Variants in ERC1 observed in about 807,000 individuals in gnomAD.
ERC1 encodes RAB6 interacting protein 2.
In ERC1, 56 loss-of-function variants were observed where a neutral mutation model predicts 132.0. The observed-to-expected ratio is 0.42, with a 90% confidence interval of 0.34 to 0.53. The LOEUF (loss-of-function observed/expected upper bound fraction) is 0.53, where lower values mean the gene tolerates loss of function less well. Among genes scored for constraint, ERC1 ranks in the 20% least tolerant of loss-of-function variants. The probability of loss-of-function intolerance (pLI) is 0.03; values close to 1 mark genes in which losing one functional copy is unlikely to be tolerated. For synonymous variants in ERC1, 478 were observed against 476.1 expected (o/e 1.00, Z -0.05); for missense variants, 1,202 against 1,349.9 (o/e 0.89, Z 1.72).
intron 2 of ERC1, among the ~76,000 whole-genome samples, chr12:1,054,327 A>T (rs1354876288): frequency 6.6e-6 from 1 of 152,168 alleles, no homozygotes; most frequent in Non-Finnish European, 1.5e-5. Flanking sequence ...ATGTAGTATG[A>T]TGAATATCAC....
rs930141018 is a variant in ERC1, at chr12:1,491,981, C to T, written c.*1751C>T. 1 of 232,712 alleles carries T rather than the reference C, an allele frequency of 4.3e-6. No individual in the cohort carries two copies. Among genetic ancestry groups the T allele is most frequent in the East Asian group, 6.1e-5 (1 of 16,526 alleles). 14.4% of individuals were successfully genotyped at this position (232,712 alleles called of 1,614,324 possible). Reference sequence around the variant, plus strand: ...TTTCTCCTCTCCTTCCCCACTTACTCAGAGAATTTAAAGTCTGTAGAGTCA... The same window carrying T: ...TTTCTCCTCTCCTTCCCCACTTACTTAGAGAATTTAAAGTCTGTAGAGTCA... On this transcript the variant is annotated 3_prime_UTR_variant, in exon 19 of 19. Coordinates refer to ENST00000360905, the MANE Select transcript of ERC1 (RefSeq NM_178040.4).
chr12:1,218,923 A>AGG, intron 12 of ERC1, among the ~76,000 whole-genome samples: 1 of 151,764 alleles, frequency 6.6e-6, no homozygotes, highest in Admixed American at 6.6e-5. Context: ...CCCAGGCTGG[A>AGG]GGGTAATGGT....
chr12:1,373,026 T>G (rs555753211), intron 16 of ERC1, among the ~76,000 whole-genome samples: 1 of 152,232 alleles, frequency 6.6e-6, no homozygotes, highest in East Asian at 1.9e-4. Flanking sequence ...AAAGATGTCT[T>G]TTTTCTGCAG....
At chr12:1,408,677 A>G (rs1284691910) in intron 17 of ERC1, among the ~76,000 whole-genome samples, 1 of 152,104 alleles carries the variant, frequency 6.6e-6, no homozygotes, top group Non-Finnish European at 1.5e-5. Flanking sequence ...CAAATTATGA[A>G]CTCTCTGCTC....
chr12:1,039,349 A>AAAT (rs1555211010), intron 2 of ERC1, among the ~76,000 whole-genome samples: 2 of 148,256 alleles, frequency 1.3e-5, no homozygotes, highest in African/African-American at 5.0e-5. Context: ...AAAAAAAAAA[A>AAAT]AAATAAAAAT....
chr12:1,286,651 TA>T (rs1210661747), intron 14 of ERC1, among the ~76,000 whole-genome samples: 6 of 152,128 alleles, frequency 3.9e-5, no homozygotes, highest in African/African-American at 7.2e-5. Context: ...GAAAGAAAAC[TA>T]CCATATTTGT....
At position 1,180,633 on chromosome 12, in the gene ERC1, A is replaced by G. The variant is rs1566165079; in HGVS notation, c.1831A>G (p.Thr611Ala). Residue 611 changes from threonine to alanine, a missense_variant, in exon 9 of 19, where the codon ACT becomes GCT. Transcript: ENST00000360905. ...ATCCTTGCAGGCTGACACCACCAAC[A>G]CTGACACTGCCTTGACAACTTTGGA... The part of the protein sequence containing the change: ...VKSLQADTTN[T>A]DTALTTLEEA... The G allele has an allele frequency of 6.2e-7, 1 of 1,614,028 alleles. No individual in the cohort carries two copies. The highest frequency in any genetic ancestry group is 1.6e-4 in the Middle Eastern group (1 of 6,062).
At chr12:1,408,046 ATTAGTTTTATCC>A in intron 16 of ERC1, 91 bp from the exon 17 acceptor site, 1 of 735,000 alleles carries the variant, frequency 1.4e-6, no homozygotes, top group Admixed American at 2.4e-5. Context: ...TGCAGACAGG[ATTAGTTTTATCC>A]TTTCTTATGG....
At chr12:1,149,900 G>A (rs1173124327) in intron 8 of ERC1, among the ~76,000 whole-genome samples, 1 of 152,146 alleles carries the variant, frequency 6.6e-6, no homozygotes, top group Non-Finnish European at 1.5e-5. Context: ...ATGGGTGGTG[G>A]TGGATACAAC....
At position 1,325,510 on chromosome 12, in the gene ERC1, G is replaced by A. The variant is rs560467914; in HGVS notation, c.2780+35498G>A. On this transcript the variant is annotated intron_variant, in intron 15 of 18. Coordinates refer to ENST00000360905, the MANE Select transcript of ERC1 (RefSeq NM_178040.4). ...GGAGCCACGACAACTGATTTTATTG[G>A]TAAACATATGAATGAGGCATGTTTC... 2.0e-5 allele frequency among the ~76,000 whole-genome samples: 3 copies of A among 152,168 alleles called. No individual in the cohort carries two copies. In the South Asian group the frequency reaches 6.2e-4, roughly 32 times the overall value.
intron 1 of ERC1, among the ~76,000 whole-genome samples, chr12:1,022,366 T>C (rs1337010473): frequency 6.6e-6 from 1 of 152,256 alleles, no homozygotes; most frequent in African/African-American, 2.4e-5. Context: ...TCAGATTTCA[T>C]GAAGAGTGTG....
At chr12:1,065,982 A>C (rs1332131392) in intron 2 of ERC1, among the ~76,000 whole-genome samples, 1 of 152,200 alleles carries the variant, frequency 6.6e-6, no homozygotes, top group Non-Finnish European at 1.5e-5. Flanking sequence ...CAGATGTAGA[A>C]TGCTAATTGG....
chr12:1,056,083 T>A (rs377509403), intron 2 of ERC1, among the ~76,000 whole-genome samples: 61 of 120,768 alleles, frequency 5.1e-4, no homozygotes, highest in Admixed American at 3.1e-4. Context: ...TTTTTTTTTT[T>A]TAAAAAAAAG....
rs116402562 is a variant in ERC1, at chr12:1,361,073, G to A, written c.2781-10760G>A. Among the ~76,000 whole-genome samples, 556 of 149,546 alleles carry A rather than the reference G, an allele frequency of 3.7e-3. 5 individuals carry two copies. The highest frequency in any genetic ancestry group is 0.013 in the African/African-American group (507 of 40,198). On this transcript the variant is annotated intron_variant, in intron 15 of 18. Transcript: ENST00000360905. ...TGATCTCACCACTGCACTCCAGCCT[G>A]GGTGATGGGAGTGAGGCTCTGTCTC...
chr12:1,098,686 G>A (rs1311732225), intron 3 of ERC1, among the ~76,000 whole-genome samples: 2 of 152,226 alleles, frequency 1.3e-5, no homozygotes, highest in Non-Finnish European at 2.9e-5. Flanking sequence ...TAAAATAAGT[G>A]TGAGTTGCCT....
chr12:1,256,005 T>G (rs1328848607), intron 13 of ERC1, among the ~76,000 whole-genome samples: 1 of 152,144 alleles, frequency 6.6e-6, no homozygotes, highest in Admixed American at 6.5e-5. Flanking sequence ...CCAGTGATGA[T>G]GAGCATTTTT....
intron 17 of ERC1, among the ~76,000 whole-genome samples, chr12:1,431,049 A>G (rs1192877704): frequency 6.6e-6 from 1 of 152,210 alleles, no homozygotes; most frequent in African/African-American, 2.4e-5. Flanking sequence ...TATAATTCAG[A>G]AAGTTAACTT....
intron 12 of ERC1, among the ~76,000 whole-genome samples, chr12:1,197,563 G>A (rs776111587): frequency 6.6e-6 from 1 of 152,136 alleles, no homozygotes; most frequent in African/African-American, 2.4e-5. Flanking sequence ...ACTGGCATGT[G>A]GGTTGTTTTG....
rs777757564 is a variant in ERC1, at chr12:1,444,768, A to G, written c.3213+18A>G. 1.2e-6 allele frequency: 2 copies of G among 1,605,598 alleles called. No individual in the cohort carries two copies. The highest frequency in any genetic ancestry group is 8.5e-7 in the Non-Finnish European group (1 of 1,178,318). On this transcript the variant is annotated intron_variant, in intron 18 of 18. Transcript: ENST00000360905. ...GGGGGCAGGTGAGCCTCTCACTCAA[A>G]CTTTGAAAAGAGCCTGTGAAAATCC...
Sources: allele counts gnomAD v4.1 joint callset (sites outside exome capture counted in the v4.1 genomes callset), GRCh38; gene constraint gnomAD v4.1.1; transcripts MANE v1.5; gene names NCBI Gene and HGNC (gene_info 2026-07-23, HGNC 2026-07-21).